The following MED27 variants were observed in gnomAD, a reference collection of about 807,000 sequenced individuals.
MED27 encodes the protein mediator of RNA polymerase II transcription subunit 27.
In MED27, 30 loss-of-function variants were observed where a neutral mutation model predicts 38.2. That is an observed-to-expected ratio of 0.79 (90% CI 0.59 to 1.07). The LOEUF is 1.07. Among genes scored for constraint, MED27 ranks in the 50% least tolerant of loss-of-function variants. The pLI is 0.00. For missense variants in MED27, 289 were observed against 397.5 expected (o/e 0.73, Z 2.32); for synonymous variants, 122 against 153.5 (o/e 0.79, Z 1.52).
chr9:132,042,111 A>C (rs993146698), intron 2 of MED27, among the ~76,000 whole-genome samples: 1 of 152,208 alleles, frequency 6.6e-6, no homozygotes, highest in Non-Finnish European at 1.5e-5. Context: ...GGAAGCACAG[A>C]CGCTGCCAGT....
At chr9:132,026,059 A>G (rs1477340851) in intron 2 of MED27, among the ~76,000 whole-genome samples, 3 of 152,186 alleles carry the variant, frequency 2.0e-5, no homozygotes, top group African/African-American at 7.2e-5. Flanking sequence ...TCCAATGTGC[A>G]TGTTCCCTAC....
rs1839080998 is a variant in MED27 at position 131,883,328 on chromosome 9, T to C, written c.723+730A>G. Among the ~76,000 whole-genome samples, 1 of 152,020 alleles carries C rather than the reference T, an allele frequency of 6.6e-6. No individual in the cohort carries two copies. The highest frequency in any genetic ancestry group is 1.5e-5 in the Non-Finnish European group (1 of 67,992). On this transcript the variant is annotated intron_variant, in intron 6 of 7. Transcript: ENST00000292035. The surrounding 1 kb of genome is among the most constrained non-coding windows in gnomAD (Gnocchi z 4.2). ...TGCAGGGAGCTGGCCCTGAGTACTGTGGGGACTGGTGGGGGTGTGGCGGTG... is the reference window on the plus strand; with the variant it reads ...TGCAGGGAGCTGGCCCTGAGTACTGCGGGGACTGGTGGGGGTGTGGCGGTG...
intron 3 of MED27, among the ~76,000 whole-genome samples, chr9:131,966,518 T>C (rs1831354407): frequency 6.6e-6 from 1 of 151,926 alleles, no homozygotes; most frequent in East Asian, 1.9e-4. Flanking sequence ...TTACATGCTA[T>C]ATGGCTAAAA....
At chr9:131,911,309 C>A (rs1052160335) in intron 4 of MED27, among the ~76,000 whole-genome samples, 41 of 152,176 alleles carry the variant, frequency 2.7e-4, no homozygotes, top group African/African-American at 9.4e-4. Flanking sequence ...GGTATTGACA[C>A]CATTATCAGA....
At chr9:131,920,452 C>T (rs1301330506) in intron 4 of MED27, among the ~76,000 whole-genome samples, 2 of 152,178 alleles carry the variant, frequency 1.3e-5, no homozygotes, top group African/African-American at 4.8e-5. Flanking sequence ...AATAATTACT[C>T]AACACCTACT....
At chr9:132,079,537 C>A in intron 1 of MED27, 105 bp downstream of exon 1, 2 of 1,044,932 alleles carry the variant, frequency 1.9e-6, no homozygotes, top group Middle Eastern at 2.9e-4. Flanking sequence ...GAACAGGGAT[C>A]AAGGGAAACG....
intron 4 of MED27, among the ~76,000 whole-genome samples, chr9:131,914,214 A>C (rs971162383): frequency 7.9e-5 from 12 of 152,212 alleles, no homozygotes; most frequent in African/African-American, 2.9e-4. Flanking sequence ...AACAAACTCA[A>C]GACAGTAAGA....
Position 131,978,028 on chromosome 9 carries a change from C to A in MED27, c.479+36309G>T, listed in dbSNP as rs147603019. Among the ~76,000 whole-genome samples, 56 of 152,328 alleles carry A rather than the reference C, an allele frequency of 3.7e-4. 1 individual carries two copies. In the East Asian group the frequency reaches 8.7e-3, roughly 24 times the overall value. On this transcript the variant is annotated intron_variant, in intron 3 of 7. Coordinates refer to ENST00000292035, the MANE Select transcript of MED27 (RefSeq NM_004269.4). The stretch of plus-strand genomic sequence containing the variant: ...TAACGTCATCAAAAAGAGAGACAAC[C>A]AGACATTTTGTGCCTCCTGCTAGAA...
Position 132,032,815 on chromosome 9 carries a change from G to A in MED27, c.349-18348C>T, listed in dbSNP as rs187738513. ...CTGCCCCTCCCTCTCACAGCCCTGC[G>A]CCCAAGCCACTCTTCTCATGGGGAT... On this transcript the variant is annotated intron_variant, in intron 2 of 7. Coordinates refer to ENST00000292035, the MANE Select transcript of MED27 (RefSeq NM_004269.4). 9.7e-4 allele frequency among the ~76,000 whole-genome samples: 148 copies of A among 152,080 alleles called. 1 individual carries two copies. The highest frequency in any genetic ancestry group is 4.3e-3 in the Admixed American group (66 of 15,274).
chr9:131,908,363 C>T lies in MED27; in HGVS notation c.574-14371G>A, dbSNP rs573443128. On this transcript the variant is annotated intron_variant, in intron 4 of 7. Coordinates refer to ENST00000292035, the MANE Select transcript of MED27 (RefSeq NM_004269.4). ...GAGCCCCTCTGCCCGGCCACCACCCCGTCTGGGAGGTGTACCCAACAGCTC... is the reference window on the plus strand; with the variant it reads ...GAGCCCCTCTGCCCGGCCACCACCCTGTCTGGGAGGTGTACCCAACAGCTC... 3.9e-5 allele frequency among the ~76,000 whole-genome samples: 6 copies of T among 152,342 alleles called. No individual in the cohort carries two copies. In the East Asian group the frequency reaches 1.2e-3, roughly 29 times the overall value.
chr9:132,079,841 C>G lies in MED27; in HGVS notation c.4G>C (p.Ala2Pro). ...TTCACACTGACATTTATCACGTCCG[C>G]CATGTTGCCGCCGCCACAGCAGCTC... The part of the protein sequence containing the change: M[A>P]DVINVSVNLE... The change falls in exon 1 of 8, where the codon GCG becomes CCG. Residue 2 changes from alanine (A) to proline (P), a missense_variant. Transcript: ENST00000292035. 6.3e-7 allele frequency: 1 copy of G among 1,581,998 alleles called. No homozygotes were observed. Among genetic ancestry groups the G allele is most frequent in the Non-Finnish European group, 8.6e-7 (1 of 1,163,348 alleles).
At chr9:131,966,383 CAAAAAAAAAAA>C (rs749607968) in intron 3 of MED27, among the ~76,000 whole-genome samples, 1 of 36,776 alleles carries the variant, frequency 2.7e-5, no homozygotes, top group Admixed American at 4.6e-4. Flanking sequence ...GACCCTGTCA[CAAAAAAAAAAA>C]AAAAAAGGAA....
At chr9:131,904,191 G>A (rs144117649) in intron 4 of MED27, among the ~76,000 whole-genome samples, 6,047 of 151,792 alleles carry the variant, frequency 0.04, 187 homozygotes, top group Non-Finnish European at 0.052. Flanking sequence ...GAGCCACTGC[G>A]ACCAGCCCAG....
intron 3 of MED27, among the ~76,000 whole-genome samples, chr9:131,948,801 G>T (rs1242705401): frequency 6.6e-6 from 1 of 152,190 alleles, no homozygotes; most frequent in Non-Finnish European, 1.5e-5. Flanking sequence ...GGAGGGAAAT[G>T]GTGACCAGGC....
At position 132,056,945 on chromosome 9, in the gene MED27, T is replaced by G. The variant is rs565439086; in HGVS notation, c.348+20497A>C. On this transcript the variant is annotated intron_variant, in intron 2 of 7. Coordinates refer to ENST00000292035, the MANE Select transcript of MED27 (RefSeq NM_004269.4). ...CATGAGGCCATCGTGCCCTGACAAG[T>G]ACACCCATCTGCAGACAGCAAAGCC... Among the ~76,000 whole-genome samples, 97 of 152,242 alleles carry G rather than the reference T, an allele frequency of 6.4e-4. 1 individual carries two copies. Among genetic ancestry groups the G allele is most frequent in the Non-Finnish European group, 5.7e-4 (39 of 68,008 alleles).
rs201356397 is a variant in MED27, at chr9:132,039,317, GT to G, written c.349-24851del. Among the ~76,000 whole-genome samples the G allele has an allele frequency of 1.5e-3, 222 of 152,298 alleles. 6 individuals are homozygous for G. In the East Asian group the frequency reaches 0.038, roughly 26 times the overall value. On this transcript the variant is annotated intron_variant, in intron 2 of 7. Coordinates refer to ENST00000292035, the MANE Select transcript of MED27 (RefSeq NM_004269.4). ...CAGGGGCTAGTGAAGAGGAAGCTGTGTAACTGAAGCTCTGTGCACCTCAGTT... is the reference window on the plus strand; with the variant it reads ...CAGGGGCTAGTGAAGAGGAAGCTGTGAACTGAAGCTCTGTGCACCTCAGTT...
At chr9:132,047,505 G>A (rs1243345874) in intron 2 of MED27, among the ~76,000 whole-genome samples, 1 of 149,286 alleles carries the variant, frequency 6.7e-6, no homozygotes, top group Non-Finnish European at 1.5e-5. Flanking sequence ...CTGTATAGTG[G>A]TTCAAATGGT....
chr9:132,004,409 AT>A (rs1564320857), intron 3 of MED27, among the ~76,000 whole-genome samples: 1 of 152,142 alleles, frequency 6.6e-6, no homozygotes, highest in East Asian at 1.9e-4. Flanking sequence ...ACATGAACCA[AT>A]TATCTTTTAA....
At chr9:132,079,117 A>C (rs974181545) in intron 1 of MED27, among the ~76,000 whole-genome samples, 1 of 152,110 alleles carries the variant, frequency 6.6e-6, no homozygotes, top group African/African-American at 2.4e-5. Flanking sequence ...GGGAGCGGTT[A>C]GGGGAAAAGG....
Sources: gnomAD v4.1 joint callset for allele counts (sites outside exome capture counted in the v4.1 genomes callset) on GRCh38, gnomAD v4.1.1 for gene constraint, Gnocchi (gnomAD v3.1) non-coding constraint, MANE v1.5 for transcripts, NCBI Gene and HGNC (gene_info 2026-07-23, HGNC 2026-07-21) for gene names.